Variants in SRSF7 observed in about 807,000 individuals in gnomAD.
SRSF7 encodes the protein serine and arginine rich splicing factor 7.
In SRSF7, 15 loss-of-function variants were observed where a neutral mutation model predicts 42.2. That is an observed-to-expected ratio of 0.36 (90% CI 0.24 to 0.55). The LOEUF (loss-of-function observed/expected upper bound fraction) is 0.55, where lower values mean the gene tolerates loss of function less well. Among genes scored for constraint, SRSF7 ranks in the 20% least tolerant of loss-of-function variants. The probability of loss-of-function intolerance (pLI) is 0.88; values close to 1 mark genes in which losing one functional copy is unlikely to be tolerated. For missense variants in SRSF7, 181 were observed against 305.9 expected (o/e 0.59, Z 3.04); for synonymous variants, 138 against 107.9 (o/e 1.28, Z -1.73).
At chr2:38,750,229 C>T (rs3112183) in intron 1 of SRSF7, 35 bp from the exon 2 acceptor site, 1,071,547 of 1,560,776 alleles carry the variant, frequency 0.69, 372,075 homozygotes, top group East Asian at 0.89. Context: ...ATGCACGTTA[C>T]GCAAAATCTG....
chr2:38,748,239 T>G, intron 4 of SRSF7, 82 bp from the exon 5 acceptor site: 2 of 1,040,460 alleles, frequency 1.9e-6, no homozygotes, highest in Non-Finnish European at 2.9e-6. Context: ...AACGGTGCAG[T>G]GGCTCATGCC....
intron 2 of SRSF7, 93 bp downstream of exon 2, chr2:38,749,921 T>C: frequency 2.1e-6 from 3 of 1,401,912 alleles, no homozygotes; most frequent in Non-Finnish European, 2.9e-6. Context: ...ATTTAAGGTC[T>C]CTTCCAGACT....
At chr2:38,750,311 C>T in intron 1 of SRSF7, 117 bp from the exon 2 acceptor site, 1 of 878,202 alleles carries the variant, frequency 1.1e-6, no homozygotes, top group South Asian at 1.8e-5. Context: ...ATTTAATGCC[C>T]TCTATCCAAG....
chr2:38,748,917 A>C, intron 3 of SRSF7: 1 of 1,352,854 alleles, frequency 7.4e-7, no homozygotes, highest in Non-Finnish European at 9.5e-7. Flanking sequence ...TTGCAGGTCG[A>C]CCCTCTTTGG....
intron 5 of SRSF7, among the ~76,000 whole-genome samples, 155 bp downstream of exon 5, chr2:38,747,892 T>G (rs995899831): frequency 6.6e-6 from 1 of 152,254 alleles, no homozygotes; most frequent in Non-Finnish European, 1.5e-5. Context: ...TCTGTAAAAC[T>G]AGGTTAATAT....
Position 38,750,273 on chromosome 2 carries a change from G to A in SRSF7, c.29-79C>T, listed in dbSNP as rs530802829. 259 of 1,354,022 alleles carry A rather than the reference G, an allele frequency of 1.9e-4. No homozygotes were observed. In the African/African-American group the frequency reaches 3.5e-3, roughly 18 times the overall value. The allele number at this position is 1,354,022 out of a possible 1,614,324, so 83.9% of individuals were successfully genotyped here. A position where few individuals can be genotyped will look rare whatever the true frequency, so the allele number is the denominator to read the frequency against. ...TTCAATTACTTATTTGCCTTAAAACGGGCCATCCTCAAGATTGGGTAAAGC... is the reference window on the plus strand; with the variant it reads ...TTCAATTACTTATTTGCCTTAAAACAGGCCATCCTCAAGATTGGGTAAAGC... On this transcript the variant is annotated intron_variant, in intron 1 of 7. Transcript: ENST00000313117.
At chr2:38,746,950 A>G (rs1377933943) in intron 5 of SRSF7, 2 of 814,832 alleles carry the variant, frequency 2.5e-6, no homozygotes, top group African/African-American at 3.5e-5. Flanking sequence ...TGTTTCTATC[A>G]CTCAATTGGT....
chr2:38,748,686 C>CA, intron 3 of SRSF7, 33 bp from the exon 4 acceptor site: 2 of 1,598,686 alleles, frequency 1.3e-6, no homozygotes, highest in Non-Finnish European at 1.7e-6. Flanking sequence ...AACAAAATGT[C>CA]AGACAATAAC....
chr2:38,749,753 G>T (rs747827406), intron 2 of SRSF7, 48 bp from the exon 3 acceptor site: 26 of 1,471,376 alleles, frequency 1.8e-5, no homozygotes, highest in South Asian at 1.0e-4. Flanking sequence ...ATATATTCAG[G>T]ACTTATAGAT....
chr2:38,751,416 G>C (rs1668353054), upstream of SRSF7: 1 of 925,292 alleles, frequency 1.1e-6, no homozygotes, highest in Non-Finnish European at 1.7e-6. Flanking sequence ...TTGCGCATGC[G>C]TCATCTCGTT....
rs368927493 is a variant in SRSF7 at position 38,749,515 on chromosome 2, A to G, written c.386+14T>C. 1 of 1,554,550 alleles carries G rather than the reference A, an allele frequency of 6.4e-7. No homozygotes were observed. Among genetic ancestry groups the G allele is most frequent in the African/African-American group, 1.4e-5 (1 of 72,286 alleles). On this transcript the variant is annotated intron_variant, in intron 3 of 7. Transcript: ENST00000313117. ...TAACTAGAATACCAACCATTCCTTT[A>G]TTAAAATAAATACCTGCTTCTTCTT...
chr2:38,750,233 A>G (rs1668080186), intron 1 of SRSF7, 39 bp from the exon 2 acceptor site: 2 of 1,552,122 alleles, frequency 1.3e-6, no homozygotes, highest in South Asian at 1.2e-5. Flanking sequence ...ACGTTACGCA[A>G]AATCTGGCCC....
intron 5 of SRSF7, 186 bp from the exon 6 acceptor site, chr2:38,746,933 A>T: frequency 2.1e-6 from 2 of 963,080 alleles, no homozygotes; most frequent in South Asian, 1.6e-5. Flanking sequence ...CCCCCATTTC[A>T]ATTACTTGTT....
chr2:38,748,189 A>ATT, intron 4 of SRSF7, 32 bp from the exon 5 acceptor site: 4 of 1,448,486 alleles, frequency 2.8e-6, no homozygotes, highest in South Asian at 1.2e-5. Context: ...CCATCTCCAC[A>ATT]GTTTTTTTTT....
chr2:38,743,699 C>T lies in SRSF7; in HGVS notation c.*1434G>A. 6.5e-6 allele frequency: 1 copy of T among 152,748 alleles called. No homozygotes were observed. The highest frequency in any genetic ancestry group is 2.1e-4 in the South Asian group (1 of 4,826). The allele number at this position is 152,748 out of a possible 1,614,324, so 9.5% of individuals were successfully genotyped here. ...AAGTGCAACAGATAAATAAGCCTGC[C>T]AGTTATACACATAACTTTATACCAA... On this transcript the variant is annotated 3_prime_UTR_variant, in exon 8 of 8. Transcript: ENST00000313117.
At chr2:38,746,587 C>A (rs941745653) in intron 6 of SRSF7, 107 bp downstream of exon 6, 2 of 1,522,148 alleles carry the variant, frequency 1.3e-6, no homozygotes, top group African/African-American at 2.8e-5. Context: ...CCCACTAAAA[C>A]CTAAGTTTAG....
intron 5 of SRSF7, 146 bp from the exon 6 acceptor site, chr2:38,746,893 G>A: frequency 7.4e-7 from 1 of 1,344,428 alleles, no homozygotes; most frequent in Non-Finnish European, 1.0e-6. Flanking sequence ...CTAACACACT[G>A]TCAAACAAAG....
In SRSF7 at chr2:38,748,171, CTTTAAGTCCATCTCCACAG is replaced by C; in HGVS notation, c.462-33_462-15del. 5 of 1,579,604 alleles carry C rather than the reference CTTTAAGTCCATCTCCACAG, an allele frequency of 3.2e-6. No homozygotes were observed. Among genetic ancestry groups the C allele is most frequent in the Non-Finnish European group, 3.5e-6 (4 of 1,158,602 alleles). ...GCTGACCTTGACCTAAAATAAAGAA[CTTTAAGTCCATCTCCACAG>C]TTTTTTTTTTTTTTGGCCTGTTAAG... On this transcript the variant is annotated splice_polypyrimidine_tract_variant and intron_variant, in intron 4 of 7. Coordinates refer to ENST00000313117, the MANE Select transcript of SRSF7 (RefSeq NM_001031684.3).
At chr2:38,746,326 A>T in intron 6 of SRSF7, 147 bp from the exon 7 acceptor site, 1 of 918,770 alleles carries the variant, frequency 1.1e-6, no homozygotes, top group Non-Finnish European at 1.7e-6. Context: ...GTTGTTGCTA[A>T]CAAAAGCCAA....
Sources: allele counts gnomAD v4.1 joint callset (sites outside exome capture counted in the v4.1 genomes callset), GRCh38; gene constraint gnomAD v4.1.1; transcripts MANE v1.5; gene names NCBI Gene and HGNC (gene_info 2026-07-23, HGNC 2026-07-21).